SLC35F3: variants seen among roughly 807,000 people sequenced by gnomAD.
SLC35F3 encodes putative thiamine transporter SLC35F3.
A neutral mutation model predicts 49.9 loss-of-function variants in SLC35F3; 25 were observed. The observed-to-expected ratio is 0.50, with a 90% CI of 0.37 to 0.70. The LOEUF (loss-of-function observed/expected upper bound fraction) is 0.70. Ranked by LOEUF, SLC35F3 falls within the 30% of genes least tolerant of loss-of-function variation. The pLI is 0.00. For missense variants in SLC35F3, 525 were observed against 639.8 expected (o/e 0.82, Z 1.94); for synonymous variants, 275 against 265.4 (o/e 1.04, Z -0.35).
At chr1:234,047,516 A>G (rs1185125805) in intron 2 of SLC35F3, among the ~76,000 whole-genome samples, 1 of 152,172 alleles carries the variant, frequency 6.6e-6, no homozygotes, top group African/African-American at 2.4e-5. Context: ...TTCAGATTAA[A>G]ATTGAATCAT....
chr1:234,318,856 A>G lies in SLC35F3; in HGVS notation c.1060A>G (p.Ile354Val), dbSNP rs1392063824. The change falls in exon 6 of 8, where the codon ATC becomes GTC. Residue 354 changes from isoleucine (I) to valine (V), a missense_variant. By Grantham distance (29) the Ile-to-Val change is conservative (BLOSUM62 3). Around this residue, in one of 4 missense-constraint regions of SLC35F3, gnomAD observed 216 missense variants for 298.1 expected, o/e 0.72. Transcript: ENST00000366618. Reference protein sequence around the residue: ...NILFITCIPIILYFTKVEYWS... With the variant: ...NILFITCIPIVLYFTKVEYWS... ...CCTCTTCATCACCTGCATTCCTATTATCCTCTACTTTACCAAAGTGGAATA... is the reference window on the plus strand; with the variant it reads ...CCTCTTCATCACCTGCATTCCTATTGTCCTCTACTTTACCAAAGTGGAATA... 1.2e-6 allele frequency: 2 copies of G among 1,613,954 alleles called. No individual in the cohort carries two copies. The highest frequency in any genetic ancestry group is 1.3e-5 in the African/African-American group (1 of 74,886).
chr1:234,105,441 G>T (rs1665272387), intron 2 of SLC35F3, among the ~76,000 whole-genome samples: 1 of 152,164 alleles, frequency 6.6e-6, no homozygotes, highest in Non-Finnish European at 1.5e-5. Context: ...TAGGTGTTCT[G>T]TATATCCAGT....
chr1:234,100,957 C>T (rs1224010291), intron 2 of SLC35F3, among the ~76,000 whole-genome samples: 2 of 152,162 alleles, frequency 1.3e-5, no homozygotes, highest in African/African-American at 4.8e-5. Context: ...CATCAGCCTC[C>T]TCACCCATCA....
At chr1:234,121,881 A>G (rs1665582966) in intron 2 of SLC35F3, among the ~76,000 whole-genome samples, 1 of 152,184 alleles carries the variant, frequency 6.6e-6, no homozygotes, top group African/African-American at 2.4e-5. Context: ...CATCGCTACA[A>G]AGGACATGAA....
chr1:234,170,573 G>A lies in SLC35F3; in HGVS notation c.284-60844G>A, dbSNP rs1210173833. Among the ~76,000 whole-genome samples, 3 of 152,096 alleles carry A rather than the reference G, an allele frequency of 2.0e-5. No homozygotes were observed. In the East Asian group the frequency reaches 5.8e-4, roughly 30 times the overall value. ...AGTAAGACCCCTCCCAGAAGCAAAC[G>A]ACTCATCTCCCTGAGGTATCCTACC... On this transcript the variant is annotated intron_variant, in intron 2 of 7. Transcript: ENST00000366618.
At chr1:233,975,884 T>G (rs1663071412) in intron 2 of SLC35F3, among the ~76,000 whole-genome samples, 1 of 152,238 alleles carries the variant, frequency 6.6e-6, no homozygotes, top group Non-Finnish European at 1.5e-5. Context: ...CAGAAAGGAC[T>G]TGAAGATGTG....
intron 2 of SLC35F3, among the ~76,000 whole-genome samples, chr1:234,077,673 C>A (rs1664812734): frequency 6.6e-6 from 1 of 152,146 alleles, no homozygotes; most frequent in Non-Finnish European, 1.5e-5. Flanking sequence ...GGATCAGGCA[C>A]CCTTCAGAGA....
At chr1:234,191,775 A>G (rs915410354) in intron 2 of SLC35F3, among the ~76,000 whole-genome samples, 6 of 152,286 alleles carry the variant, frequency 3.9e-5, no homozygotes, top group African/African-American at 1.4e-4. Context: ...GAGATATTAC[A>G]ACCAACGCCA....
At chr1:233,924,760 A>G (rs1390536167) in intron 2 of SLC35F3, among the ~76,000 whole-genome samples, 7 of 152,028 alleles carry the variant, frequency 4.6e-5, no homozygotes, top group Non-Finnish European at 1.0e-4. Context: ...GCTTTCTCTT[A>G]TGGCCATTTA....
At chr1:234,072,216 G>C (rs542427381) in intron 2 of SLC35F3, among the ~76,000 whole-genome samples, 1 of 152,342 alleles carries the variant, frequency 6.6e-6, no homozygotes, top group Admixed American at 6.5e-5. Flanking sequence ...CTAAGTAGCT[G>C]TGCCCTGGGT....
chr1:234,101,837 G>A (rs74867263), intron 2 of SLC35F3, among the ~76,000 whole-genome samples: 2,715 of 152,296 alleles, frequency 0.018, 74 homozygotes, highest in African/African-American at 0.062. Flanking sequence ...GAGATTCTAC[G>A]TCCTTAAGAA....
At chr1:234,002,264 T>A (rs901981532) in intron 2 of SLC35F3, among the ~76,000 whole-genome samples, 1 of 152,218 alleles carries the variant, frequency 6.6e-6, no homozygotes, top group Non-Finnish European at 1.5e-5. Flanking sequence ...AGATGCACTA[T>A]TGTTAATGTA....
intron 3 of SLC35F3, among the ~76,000 whole-genome samples, chr1:234,273,113 C>A (rs1468724023): frequency 6.6e-6 from 1 of 152,248 alleles, no homozygotes; most frequent in East Asian, 1.9e-4. Context: ...CTGCTGCATT[C>A]AGGGAATTGC....
intron 2 of SLC35F3, among the ~76,000 whole-genome samples, chr1:234,134,911 G>A (rs1175212182): frequency 2.0e-5 from 3 of 152,008 alleles, no homozygotes; most frequent in African/African-American, 7.3e-5. Context: ...TAGTAGAGAC[G>A]GGGTTTAGCT....
intron 2 of SLC35F3, among the ~76,000 whole-genome samples, chr1:234,210,670 A>G (rs191556422): frequency 5.5e-4 from 84 of 152,364 alleles, no homozygotes; most frequent in African/African-American, 1.9e-3. Flanking sequence ...AAAGCATTCA[A>G]CAGGTGACTT....
At chr1:234,119,942 C>T (rs1276531666) in intron 2 of SLC35F3, among the ~76,000 whole-genome samples, 1 of 152,220 alleles carries the variant, frequency 6.6e-6, no homozygotes, top group Non-Finnish European at 1.5e-5. Context: ...TGTCAGAGCA[C>T]CAGCCCTGAA....
chr1:233,904,892 C>T lies in SLC35F3; in HGVS notation c.-186C>T. 1 of 432,220 alleles carries T rather than the reference C, an allele frequency of 2.3e-6. No homozygotes were observed. Among genetic ancestry groups the T allele is most frequent in the Non-Finnish European group, 3.9e-6 (1 of 259,228 alleles). 26.8% of individuals were successfully genotyped at this position (432,220 alleles called of 1,614,324 possible). ...ACCGCCGCGCCTGCATCGTGCCGCA[C>T]GCCGCGGAGGCGCTCGGGTACAGAC... On this transcript the variant is annotated 5_prime_UTR_variant, in exon 1 of 8. The change creates a new upstream start codon in the 5' untranslated region. Coordinates refer to ENST00000366618, the MANE Select transcript of SLC35F3 (RefSeq NM_173508.4).
chr1:234,176,313 AAAAGAGAAAGCTGCTC>A (rs1354452999), intron 2 of SLC35F3, among the ~76,000 whole-genome samples: 1 of 152,112 alleles, frequency 6.6e-6, no homozygotes, highest in African/African-American at 2.4e-5. Context: ...ATTTTGGGGG[AAAAGAGAAAGCTGCTC>A]AAAGAGAAAG....
At chr1:234,108,776 T>TTATATATAAAAGATATATATATTTATA (rs1211824712) in intron 2 of SLC35F3, among the ~76,000 whole-genome samples, 27 of 88,200 alleles carry the variant, frequency 3.1e-4, no homozygotes, top group East Asian at 1.1e-3. Flanking sequence ...TATATATCTT[T>TTATATATAAAAGATATATATATTTATA]TATATATAAA....
Sources: gnomAD v4.1 joint callset for allele counts (sites outside exome capture counted in the v4.1 genomes callset) on GRCh38, gnomAD v4.1.1 for gene constraint, gnomAD v4.1.1 regional missense constraint, MANE v1.5 for transcripts, NCBI Gene and HGNC (gene_info 2026-07-23, HGNC 2026-07-21) for gene names.